The following PCNX1 variants were observed in gnomAD, a reference collection of about 807,000 sequenced individuals.
PCNX1 encodes the protein pecanex-like protein 1.
A neutral mutation model predicts 242.2 loss-of-function variants in PCNX1; 78 were observed. The observed-to-expected ratio is 0.32, with a 90% confidence interval of 0.27 to 0.39. PCNX1 has a LOEUF of 0.39. Among genes scored for constraint, PCNX1 ranks in the 10% least tolerant of loss-of-function variants. PCNX1 has a pLI of 1.00. For synonymous variants in PCNX1, 1,024 were observed against 1,032.9 expected, an observed-to-expected ratio of 0.99 and a Z score of 0.17; for missense variants, 2,581 against 2,856.5, an observed-to-expected ratio of 0.90 and a Z score of 2.20.
rs79679760 is a variant in PCNX1 at position 71,077,203 on chromosome 14, T to C, written c.5337+784T>C. ...AGTTAGGGACTTCAGCAACTACAGC[T>C]TTCTTCTAGGTCTCATGATTTTTGT... On this transcript the variant is annotated intron_variant, in intron 28 of 35. Coordinates refer to ENST00000304743, the MANE Select transcript of PCNX1 (RefSeq NM_014982.3). Among the ~76,000 whole-genome samples, 1,366 of 152,272 alleles carry C rather than the reference T, an allele frequency of 9.0e-3. 10 individuals are homozygous for C. Among genetic ancestry groups the C allele is most frequent in the Non-Finnish European group, 0.012 (843 of 68,026 alleles).
chr14:70,989,198 C>CT (rs560616148), intron 7 of PCNX1, among the ~76,000 whole-genome samples: 194 of 151,876 alleles, frequency 1.3e-3, no homozygotes, highest in Middle Eastern at 3.4e-3. Context: ...AACTTGGTGC[C>CT]TTTTATAATC....
intron 13 of PCNX1, among the ~76,000 whole-genome samples, chr14:71,024,019 T>A (rs1365933514): frequency 1.3e-5 from 2 of 152,294 alleles, no homozygotes; most frequent in East Asian, 3.9e-4. Context: ...TTTCAACTTT[T>A]TATTTTGACG....
chr14:71,057,839 A>G (rs1184934432), intron 26 of PCNX1, 115 bp downstream of exon 26: 1 of 755,202 alleles, frequency 1.3e-6, no homozygotes, highest in Non-Finnish European at 2.2e-6. Context: ...GGATTGTGGA[A>G]TGAGAAAAGT....
At chr14:71,102,279 A>C (rs1372225111) in intron 31 of PCNX1, 59 bp downstream of exon 31, 18 of 1,399,936 alleles carry the variant, frequency 1.3e-5, no homozygotes, top group Non-Finnish European at 1.8e-5. Context: ...CTTGATCTAA[A>C]ATTTTTTTTT....
chr14:71,030,616 T>C (rs2060355999), intron 16 of PCNX1, among the ~76,000 whole-genome samples: 1 of 152,190 alleles, frequency 6.6e-6, no homozygotes, highest in Non-Finnish European at 1.5e-5. Flanking sequence ...TAGTGTCCCT[T>C]CTGTAAAGAC....
rs559946045 is a variant in PCNX1 at position 70,909,424 on chromosome 14, A to G, written c.153+1421A>G. On this transcript the variant is annotated intron_variant, in intron 1 of 35. Transcript: ENST00000304743. The stretch of plus-strand genomic sequence containing the variant: ...TTCTATTTGCACTACTATACCTTCC[A>G]GGAATATGACATCATTAATGAACGG... Among the ~76,000 whole-genome samples the G allele has an allele frequency of 1.0e-3, 158 of 152,330 alleles. 1 individual carries two copies. The highest frequency in any genetic ancestry group is 2.1e-3 in the South Asian group (10 of 4,824).
In PCNX1 at chr14:70,953,668, T is replaced by C. The variant is rs12100781; in HGVS notation, c.362+6545T>C. Among the ~76,000 whole-genome samples, 666 of 142,000 alleles carry C rather than the reference T, an allele frequency of 4.7e-3. 4 individuals are homozygous for C. The highest frequency in any genetic ancestry group is 0.011 in the African/African-American group (401 of 37,458). The allele number at this position is 142,000 out of a possible 152,430, so 93.2% of individuals were successfully genotyped here. On this transcript the variant is annotated intron_variant, in intron 2 of 35. Coordinates refer to ENST00000304743, the MANE Select transcript of PCNX1 (RefSeq NM_014982.3). ...GTTTTTTGTGTTTTTTTCTTTCTTTTTTTTTTTTTTTTTTTAATGAATTGG... is the reference window on the plus strand; with the variant it reads ...GTTTTTTGTGTTTTTTTCTTTCTTTCTTTTTTTTTTTTTTTAATGAATTGG...
In PCNX1 at chr14:70,952,301, A is replaced by G. The variant is rs912192501; in HGVS notation, c.362+5178A>G. On this transcript the variant is annotated intron_variant, in intron 2 of 35. Transcript: ENST00000304743. ...TTATTGTGAAATATGTATTCCAAAC[A>G]CTAAGTTAGCAATAATCAAGTGACT... Among the ~76,000 whole-genome samples the G allele has an allele frequency of 2.0e-5, 3 of 152,344 alleles. No individual in the cohort carries two copies. In the South Asian group the frequency reaches 6.2e-4, roughly 32 times the overall value.
At chr14:70,984,721 A>G (rs956963077) in intron 6 of PCNX1, among the ~76,000 whole-genome samples, 1 of 151,990 alleles carries the variant, frequency 6.6e-6, no homozygotes, top group Non-Finnish European at 1.5e-5. Flanking sequence ...ATCTGTGTGT[A>G]TTTATACTCA....
intron 1 of PCNX1, among the ~76,000 whole-genome samples, chr14:70,932,799 A>G (rs1162768392): frequency 6.6e-6 from 1 of 151,584 alleles, no homozygotes; most frequent in Non-Finnish European, 1.5e-5. Context: ...TTTAGTAGAG[A>G]CGGGGTTTCA....
rs907810237 is a variant in PCNX1 at position 71,047,929 on chromosome 14, C to G, written c.4283C>G (p.Ala1428Gly). 2 of 1,613,030 alleles carry G rather than the reference C, an allele frequency of 1.2e-6. No individual in the cohort carries two copies. Among genetic ancestry groups the G allele is most frequent in the African/African-American group, 1.3e-5 (1 of 74,878 alleles). Residue 1428 changes from alanine (A) to glycine (G), a missense_variant, in exon 22 of 36, where the codon GCT becomes GGT. Ala to Gly is a moderately conservative substitution (Grantham distance 60, BLOSUM62 0). This residue lies in a region of PCNX1 where 432 missense variants were observed against 443.1 expected (regional missense o/e 0.97). Transcript: ENST00000304743. ...TVLFFKFDYE[A>G]FSETMLLDLF... ...CTGTTTTTCAAATTTGACTATGAAGCTTTTTCAGAGACCATGCTGTTGGAT... is the reference window on the plus strand; with the variant it reads ...CTGTTTTTCAAATTTGACTATGAAGGTTTTTCAGAGACCATGCTGTTGGAT...
chr14:70,921,526 A>T (rs1003453500), intron 1 of PCNX1, among the ~76,000 whole-genome samples: 1 of 152,192 alleles, frequency 6.6e-6, no homozygotes, highest in Admixed American at 6.5e-5. Flanking sequence ...GAATAAAGAT[A>T]GCTAATCTTA....
intron 26 of PCNX1, among the ~76,000 whole-genome samples, chr14:71,063,692 A>G (rs529161780): frequency 7.9e-5 from 12 of 152,124 alleles, no homozygotes; most frequent in Admixed American, 6.6e-5. Context: ...CATTTTATCT[A>G]CTTTCCAAGA....
At chr14:70,976,360 C>G (rs1490320674) in intron 5 of PCNX1, among the ~76,000 whole-genome samples, 1 of 133,224 alleles carries the variant, frequency 7.5e-6, no homozygotes, top group African/African-American at 2.6e-5. Context: ...GTTGCTCTTT[C>G]TTTCTTTCTT....
In PCNX1 at chr14:71,088,406, G is replaced by C. The variant is rs1481679418; in HGVS notation, c.5414G>C (p.Gly1805Ala). 3.1e-6 allele frequency: 5 copies of C among 1,607,886 alleles called. No individual in the cohort carries two copies. The highest frequency in any genetic ancestry group is 1.7e-6 in the Non-Finnish European group (2 of 1,174,786). Residue 1805 changes from glycine (G) to alanine (A), a missense_variant, in exon 29 of 36, where the codon GGG becomes GCG. This residue lies in a region of PCNX1 where 298 missense variants were observed against 480.1 expected (regional missense o/e 0.62). Transcript: ENST00000304743. ...GLCVLGRRAL[G>A]TASHHMSSNL... ...TGTGTTCTGGGACGGAGAGCTTTGG[G>C]GACTGCATCCCATCATATGTCCAGG...
chr14:71,064,798 T>G (rs573347901), intron 26 of PCNX1, among the ~76,000 whole-genome samples: 4 of 152,274 alleles, frequency 2.6e-5, no homozygotes, highest in East Asian at 3.9e-4. Flanking sequence ...CCTGGGTATG[T>G]GATGTTCCCC....
At chr14:70,972,979 C>T (rs889169336) in intron 5 of PCNX1, among the ~76,000 whole-genome samples, 2 of 152,058 alleles carry the variant, frequency 1.3e-5, no homozygotes, top group African/African-American at 4.8e-5. Context: ...TAGCTGGGTG[C>T]GGTGACTTAC....
intron 33 of PCNX1, among the ~76,000 whole-genome samples, chr14:71,106,510 ACT>A (rs1366623192): frequency 6.6e-6 from 1 of 150,616 alleles, no homozygotes; most frequent in African/African-American, 2.4e-5. Flanking sequence ...TGAGAATAAG[ACT>A]CTTGATATAT....
chr14:70,992,571 G>A (rs904822778), intron 7 of PCNX1, among the ~76,000 whole-genome samples: 1 of 152,096 alleles, frequency 6.6e-6, no homozygotes. Flanking sequence ...AACAGAATGT[G>A]TCAAGTGCCA....
Sources: allele counts gnomAD v4.1 joint callset (sites outside exome capture counted in the v4.1 genomes callset), GRCh38; gene constraint gnomAD v4.1.1; regional missense constraint gnomAD v4.1.1; transcripts MANE v1.5; gene names NCBI Gene and HGNC (gene_info 2026-07-23, HGNC 2026-07-21).